The following RHBDL1 variants were observed in gnomAD, a reference collection of about 807,000 sequenced individuals.
RHBDL1 encodes the protein rhomboid-related protein 1.
Under a neutral mutation model 34.0 loss-of-function variants are expected in RHBDL1, and 21 were observed. The observed-to-expected ratio is 0.62, with a 90% confidence interval of 0.44 to 0.89. The LOEUF is 0.89. Among genes scored for constraint, RHBDL1 ranks in the 40% least tolerant of loss-of-function variants. The probability of loss-of-function intolerance (pLI) is 0.00; values close to 1 mark genes in which losing one functional copy is unlikely to be tolerated. For missense variants in RHBDL1, 450 were observed against 530.6 expected, an observed-to-expected ratio of 0.85 and a Z score of 1.49; for synonymous variants, 268 against 234.8, an observed-to-expected ratio of 1.14 and a Z score of -1.29.
chr16:677,729 G>T lies in RHBDL1; in HGVS notation c.850+30G>T, dbSNP rs781434552. Reference sequence around the variant, plus strand: ...GTAGGGGCCGGGGGGAGGGCCGGGGGGCCTCTCAGCCTGCAGCCAGGGCAC... The same window carrying T: ...GTAGGGGCCGGGGGGAGGGCCGGGGTGCCTCTCAGCCTGCAGCCAGGGCAC... On this transcript the variant is annotated intron_variant, in intron 7 of 7. Transcript: ENST00000352681. 3 of 1,523,958 alleles carry T rather than the reference G, an allele frequency of 2.0e-6. No homozygotes were observed. In the African/African-American group the frequency reaches 4.2e-5, roughly 21 times the overall value. The allele number at this position is 1,523,958 out of a possible 1,614,324, so 94.4% of individuals were successfully genotyped here.
In RHBDL1 at chr16:677,013, G is replaced by A. The variant is rs1030820815; in HGVS notation, c.469G>A (p.Val157Met). 7 of 1,612,866 alleles carry A rather than the reference G, an allele frequency of 4.3e-6. No individual in the cohort carries two copies. Among genetic ancestry groups the A allele is most frequent in the Non-Finnish European group, 5.1e-6 (6 of 1,179,948 alleles). The change falls in exon 4 of 8, where the codon GTG becomes ATG. Residue 157 changes from valine (V) to methionine (M), a missense_variant. By Grantham distance (21) the Val-to-Met change is conservative. Coordinates refer to ENST00000352681, the MANE Select transcript of RHBDL1 (RefSeq NM_001278720.2). ...LCYGARLNKW[V>M]LQTYHPEYMK... ...TTACGGGGCCCGCCTCAACAAGTGG[G>A]TGCTGCAGACCTACCACCCCGAGTA...
chr16:677,933 C>T lies in RHBDL1; in HGVS notation c.1003C>T (p.Arg335Trp), dbSNP rs775356315. 73 of 1,603,534 alleles carry T rather than the reference C, an allele frequency of 4.6e-5. No homozygotes were observed. In the East Asian group the frequency reaches 1.3e-3, roughly 28 times the overall value. Residue 335 changes from arginine (R) to tryptophan (W), a missense_variant, in exon 8 of 8, where the codon CGG (arginine) becomes TGG (tryptophan). Transcript: ENST00000352681. ...CCTGCGGAGCTACGAGGAGCGCCTG[C>T]GGGACCAGTGCGGCTGGTGGGTGGT... ...TILRSYEERL[R>W]DQCGWWVVLL...
At position 676,471 on chromosome 16, in the gene RHBDL1, G is replaced by A; in HGVS notation, c.175G>A (p.Val59Ile). 3.1e-6 allele frequency: 5 copies of A among 1,597,694 alleles called. No individual in the cohort carries two copies. Among genetic ancestry groups the A allele is most frequent in the Non-Finnish European group, 4.3e-6 (5 of 1,174,414 alleles). ...ALAQSNEQGQVCYQELVDLIS... is the reference protein window; with the variant it reads ...ALAQSNEQGQICYQELVDLIS... The stretch of plus-strand genomic sequence containing the variant: ...GGCTCAGAGCAACGAGCAGGGCCAG[G>A]TCTGCTACCAGGAGCTGGTGGACCT... Residue 59 changes from valine (V) to isoleucine (I), a missense_variant, in exon 2 of 8, where the codon GTC becomes ATC. Physicochemically the swap from Val to Ile is conservative, Grantham distance 29. Transcript: ENST00000352681. The surrounding 1 kb of genome is among the most constrained non-coding windows in gnomAD (Gnocchi z 6.9).
chr16:676,335 G>C lies in RHBDL1; in HGVS notation c.40-1G>C. 1 of 1,609,550 alleles carries C rather than the reference G, an allele frequency of 6.2e-7. No individual in the cohort carries two copies. The highest frequency in any genetic ancestry group is 8.5e-7 in the Non-Finnish European group (1 of 1,178,792). The stretch of plus-strand genomic sequence containing the variant: ...CCTTGGCTGGCGGCTCCTCACTGCA[G>C]CAGCTGGACCCCGAGAACACAGGCT... On this transcript the variant is annotated splice_acceptor_variant, in intron 1 of 7. Coordinates refer to ENST00000352681, the MANE Select transcript of RHBDL1 (RefSeq NM_001278720.2). LOFTEE classifies it high-confidence loss of function. This position sits in a 1 kb window ranked among gnomAD's most constrained non-coding sequence, Gnocchi z 6.9.
intron 1 of RHBDL1, 147 bp downstream of exon 1, chr16:675,976 A>C (rs2039527880): frequency 1.6e-6 from 2 of 1,278,686 alleles, no homozygotes; most frequent in Non-Finnish European, 2.0e-6. Context: ...TGTGTCTGGG[A>C]CCCCAGGAGA....
chr16:676,641 C>G lies in RHBDL1; in HGVS notation c.202-31C>G, dbSNP rs868602173. 1 of 1,603,868 alleles carries G rather than the reference C, an allele frequency of 6.2e-7. No homozygotes were observed. Among genetic ancestry groups the G allele is most frequent in the South Asian group, 1.1e-5 (1 of 90,916 alleles). ...ACAGGCAGGGGTGCCATGGGGAGGT[C>G]CGTGGCCCACACTCAGGCCCCTGCC... On this transcript the variant is annotated intron_variant, in intron 2 of 7. Transcript: ENST00000352681. The surrounding 1 kb of genome is among the most constrained non-coding windows in gnomAD (Gnocchi z 6.9).
In RHBDL1 at chr16:675,804, C is replaced by T. The variant is rs1288921678; in HGVS notation, c.14C>T (p.Ser5Leu). 8 of 1,511,132 alleles carry T rather than the reference C, an allele frequency of 5.3e-6. No homozygotes were observed. In the East Asian group the frequency reaches 1.3e-4, roughly 25 times the overall value. 93.6% of individuals were successfully genotyped at this position (1,511,132 alleles called of 1,614,324 possible). The change falls in exon 1 of 8, where the codon TCG (serine) becomes TTG (leucine). Residue 5 changes from serine to leucine, a missense_variant. By Grantham distance (145) the Ser-to-Leu change is moderately radical (BLOSUM62 -2). Coordinates refer to ENST00000352681, the MANE Select transcript of RHBDL1 (RefSeq NM_001278720.2). ...CGGCCAGGCTCTATGGACAGGAGCT[C>T]GCTGCTGCAGCTCATCCAGGAGCAG... MDRS[S>L]LLQLIQEQQL...
chr16:677,176 G>A, intron 4 of RHBDL1, 57 bp downstream of exon 4: 1 of 1,581,598 alleles, frequency 6.3e-7, no homozygotes, highest in Non-Finnish European at 8.6e-7. Flanking sequence ...CATCAGAAAG[G>A]CTTAGCCGCA....
chr16:677,946 G>T lies in RHBDL1; in HGVS notation c.1016G>T (p.Gly339Val). 1 of 1,603,324 alleles carries T rather than the reference G, an allele frequency of 6.2e-7. No individual in the cohort carries two copies. Residue 339 changes from glycine to valine, a missense_variant, in exon 8 of 8, where the codon GGC (glycine) becomes GTC (valine). Transcript: ENST00000352681. ...GAGGAGCGCCTGCGGGACCAGTGCGGCTGGTGGGTGGTGCTGCTGGCCTAC... is the reference window on the plus strand; with the variant it reads ...GAGGAGCGCCTGCGGGACCAGTGCGTCTGGTGGGTGGTGCTGCTGGCCTAC... ...SYEERLRDQC[G>V]WWVVLLAYGT...
In RHBDL1 at chr16:676,063, C is replaced by CCGTATCATTAAAAA; in HGVS notation, c.39+234_39+235insCGTATCATTAAAAA. On this transcript the variant is annotated intron_variant, in intron 1 of 7. Transcript: ENST00000352681. The surrounding 1 kb of genome is among the most constrained non-coding windows in gnomAD (Gnocchi z 6.9). ...GAGGGAGGGAGGGAGGGAGGGCGGG[C>CCGTATCATTAAAAA]AGCTGGCTGGTCTTGGACCTTGGCC... is the stretch of plus-strand genomic sequence containing the variant. 7.0e-7 allele frequency: 1 copy of CCGTATCATTAAAAA among 1,435,016 alleles called. No individual in the cohort carries two copies. Among genetic ancestry groups the CCGTATCATTAAAAA allele is most frequent in the East Asian group, 2.6e-5 (1 of 38,836 alleles). 88.9% of individuals were successfully genotyped at this position (1,435,016 alleles called of 1,614,324 possible). A position where few individuals can be genotyped will look rare whatever the true frequency, so the allele number is the denominator to read the frequency against.
Position 678,225 on chromosome 16 carries a change from C to G in RHBDL1, c.*173C>G, listed in dbSNP as rs532655243. ...ACCCACCCCCCACTCCCAGGACTTGCGGTCTGAGCCTTTTTGGATAATTAA... is the reference window on the plus strand; with the variant it reads ...ACCCACCCCCCACTCCCAGGACTTGGGGTCTGAGCCTTTTTGGATAATTAA... On this transcript the variant is annotated 3_prime_UTR_variant, in exon 8 of 8. Coordinates refer to ENST00000352681, the MANE Select transcript of RHBDL1 (RefSeq NM_001278720.2). 7.3e-7 allele frequency: 1 copy of G among 1,371,634 alleles called. No homozygotes were observed. Among genetic ancestry groups the G allele is most frequent in the East Asian group, 2.8e-5 (1 of 35,824 alleles). The allele number at this position is 1,371,634 out of a possible 1,614,324, so 85.0% of individuals were successfully genotyped here.
Position 677,802 on chromosome 16 carries a change from C to T in RHBDL1, c.872C>T (p.Ala291Val). The T allele has an allele frequency of 6.4e-7, 1 of 1,556,880 alleles. No homozygotes were observed. The highest frequency in any genetic ancestry group is 8.6e-7 in the Non-Finnish European group (1 of 1,156,072). The change falls in exon 8 of 8, where the codon GCC becomes GTC. Residue 291 changes from alanine to valine, a missense_variant. Transcript: ENST00000352681. ...LVCMSSEVGR[A>V]VWLRFSPPLP... ...GCAGTGAGCTCCGAGGTGGGCCGGG[C>T]CGTGTGGCTGCGCTTCTCCCCGCCG...
Position 676,835 on chromosome 16 carries a change from A to AC in RHBDL1, c.366dup (p.Phe123LeufsTer317). On this transcript the variant is annotated frameshift_variant, in exon 3 of 8. Coordinates refer to ENST00000352681, the MANE Select transcript of RHBDL1 (RefSeq NM_001278720.2). LOFTEE classifies it high-confidence loss of function. This position sits in a 1 kb window ranked among gnomAD's most constrained non-coding sequence, Gnocchi z 6.9. ...CCTTGTGAGGTGGACCGCCGCTGGT[A>AC]CTTCTACCGTCACCGCAGCTGCCCA... The AC allele has an allele frequency of 6.2e-7, 1 of 1,609,216 alleles. No individual in the cohort carries two copies. Among genetic ancestry groups the AC allele is most frequent in the Non-Finnish European group, 8.5e-7 (1 of 1,179,228 alleles).
At position 678,257 on chromosome 16, in the gene RHBDL1, T is replaced by C; in HGVS notation, c.*205T>C. 7.4e-7 allele frequency: 1 copy of C among 1,348,744 alleles called. No homozygotes were observed. Among genetic ancestry groups the C allele is most frequent in the Non-Finnish European group, 9.5e-7 (1 of 1,054,422 alleles). The allele number at this position is 1,348,744 out of a possible 1,614,324, so 83.5% of individuals were successfully genotyped here. A position where few individuals can be genotyped will look rare whatever the true frequency, so the allele number is the denominator to read the frequency against. The stretch of plus-strand genomic sequence containing the variant: ...AGCCTTTTTGGATAATTAATAAATA[T>C]TTTACACAGCACCAGGGGGCTGTCC... On this transcript the variant is annotated 3_prime_UTR_variant, in exon 8 of 8. Transcript: ENST00000352681.
Position 678,048 on chromosome 16 carries a change from C to T in RHBDL1, c.1118C>T (p.Pro373Leu), listed in dbSNP as rs764709857. 11 of 1,561,154 alleles carry T rather than the reference C, an allele frequency of 7.0e-6. No homozygotes were observed. Among genetic ancestry groups the T allele is most frequent in the South Asian group, 1.2e-5 (1 of 84,736 alleles). ...CTGGGCGCCCACATCCCCCCACCGCCCTGACCGGCTACCTGAGGCTGCACA... is the reference window on the plus strand; with the variant it reads ...CTGGGCGCCCACATCCCCCCACCGCTCTGACCGGCTACCTGAGGCTGCACA... ...DLLGAHIPPPP is the reference protein window; with the variant it reads ...DLLGAHIPPPL The change falls in exon 8 of 8, where the codon CCC becomes CTC. Residue 373 changes from proline (P) to leucine (L), a missense_variant. Physicochemically the swap from Pro to Leu is moderately conservative, Grantham distance 98 (BLOSUM62 -3). Transcript: ENST00000352681.
Position 675,801 on chromosome 16 carries a change from G to T in RHBDL1, c.11G>T (p.Ser4Ile). The change falls in exon 1 of 8, where the codon AGC becomes ATC. Residue 4 changes from serine to isoleucine, a missense_variant. By Grantham distance (142) the Ser-to-Ile change is moderately radical. Coordinates refer to ENST00000352681, the MANE Select transcript of RHBDL1 (RefSeq NM_001278720.2). MDR[S>I]SLLQLIQEQQ... ...CCCCGGCCAGGCTCTATGGACAGGA[G>T]CTCGCTGCTGCAGCTCATCCAGGAG... 6.6e-7 allele frequency: 1 copy of T among 1,510,114 alleles called. No individual in the cohort carries two copies. 93.5% of individuals were successfully genotyped at this position (1,510,114 alleles called of 1,614,324 possible).
rs760323443 is a variant in RHBDL1 at position 677,761 on chromosome 16, C to T, written c.851-20C>T. ...CAGCCTGCAGCCAGGGCACCTCCCA[C>T]CTGCCGCGTCCCTCTGCAGTGAGCT... On this transcript the variant is annotated intron_variant, in intron 7 of 7. Transcript: ENST00000352681. 3.9e-6 allele frequency: 6 copies of T among 1,519,740 alleles called. No homozygotes were observed. The East Asian group carries it at 9.1e-5, about 23-fold the overall frequency. The allele number at this position is 1,519,740 out of a possible 1,614,324, so 94.1% of individuals were successfully genotyped here.
In RHBDL1 at chr16:678,129, T is replaced by C. The variant is rs1192937373; in HGVS notation, c.*77T>C. 3.5e-6 allele frequency: 5 copies of C among 1,448,364 alleles called. No homozygotes were observed. The highest frequency in any genetic ancestry group is 2.3e-4 in the Middle Eastern group (1 of 4,322). 89.7% of individuals were successfully genotyped at this position (1,448,364 alleles called of 1,614,324 possible). A position where few individuals can be genotyped will look rare whatever the true frequency, so the allele number is the denominator to read the frequency against. On this transcript the variant is annotated 3_prime_UTR_variant, in exon 8 of 8. Transcript: ENST00000352681. The stretch of plus-strand genomic sequence containing the variant: ...ACCAGGGGCCTTCACGTCTGCCCTT[T>C]GTGAACGGACGTCTCAGGGCTGCTG...
Position 677,442 on chromosome 16 carries a change from G to A in RHBDL1, c.689-17G>A, listed in dbSNP as rs147624905. The A allele has an allele frequency of 4.3e-4, 681 of 1,594,954 alleles. No homozygotes were observed. The highest frequency in any genetic ancestry group is 4.9e-4 in the Non-Finnish European group (570 of 1,174,144). Reference sequence around the variant, plus strand: ...GCCCTGGCCGGCTGCACCCTCACCCGCCGCTTGCTCACACAGGCTCCCTAA... The same window carrying A: ...GCCCTGGCCGGCTGCACCCTCACCCACCGCTTGCTCACACAGGCTCCCTAA... On this transcript the variant is annotated splice_polypyrimidine_tract_variant and intron_variant, in intron 5 of 7. Coordinates refer to ENST00000352681, the MANE Select transcript of RHBDL1 (RefSeq NM_001278720.2).
Sources: gnomAD v4.1 joint callset for allele counts on GRCh38, gnomAD v4.1.1 for gene constraint, Gnocchi (gnomAD v3.1) non-coding constraint, MANE v1.5 for transcripts, NCBI Gene and HGNC (gene_info 2026-07-23, HGNC 2026-07-21) for gene names.